The following DLG1 variants were observed in gnomAD, a reference collection of about 807,000 sequenced individuals.
The protein encoded by DLG1 is disks large homolog 1.
A neutral mutation model predicts 123.4 loss-of-function variants in DLG1; 42 were observed. That is an observed-to-expected ratio of 0.34 (90% confidence interval 0.27 to 0.44). The LOEUF is 0.44. DLG1 is among the 20% of genes least tolerant of loss of function. The pLI is 1.00. For synonymous variants in DLG1, 317 were observed against 356.2 expected (o/e 0.89, Z 1.24); for missense variants, 942 against 1,082.6 (o/e 0.87, Z 1.82).
At chr3:197,096,894 T>G (rs1364080506) in intron 14 of DLG1, among the ~76,000 whole-genome samples, 1 of 152,242 alleles carries the variant, frequency 6.6e-6, no homozygotes, top group African/African-American at 2.4e-5. Flanking sequence ...GACTGTGATC[T>G]TTTCCTACTG....
At chr3:197,274,871 A>C (rs769484571) in intron 4 of DLG1, among the ~76,000 whole-genome samples, 3 of 152,182 alleles carry the variant, frequency 2.0e-5, no homozygotes, top group African/African-American at 7.2e-5. Flanking sequence ...ATTACTAATA[A>C]TACTCAGGGA....
intron 14 of DLG1, among the ~76,000 whole-genome samples, chr3:197,097,580 C>CTTTTTTTT (rs3051908): frequency 3.3e-5 from 4 of 122,852 alleles, no homozygotes; most frequent in Non-Finnish European, 5.0e-5. Context: ...TTTGTACTTT[C>CTTTTTTTT]TTTTTTTTTT....
chr3:197,051,748 A>G (rs1727893848), intron 23 of DLG1, 80 bp from the exon 24 acceptor site: 1 of 1,067,150 alleles, frequency 9.4e-7, no homozygotes, highest in Non-Finnish European at 1.4e-6. Context: ...GAGATGACAC[A>G]TAAAATAGAA....
chr3:197,251,418 A>G (rs1290278093), intron 4 of DLG1, among the ~76,000 whole-genome samples: 2 of 152,186 alleles, frequency 1.3e-5, no homozygotes, highest in Non-Finnish European at 2.9e-5. Context: ...CAGTAACCAA[A>G]TAAGCACGGT....
At chr3:197,125,508 C>T (rs1778584580) in intron 11 of DLG1, among the ~76,000 whole-genome samples, 1 of 151,680 alleles carries the variant, frequency 6.6e-6, no homozygotes. Flanking sequence ...AGACAAGGGG[C>T]AACAAAATAA....
intron 15 of DLG1, among the ~76,000 whole-genome samples, chr3:197,087,972 G>A (rs779263404): frequency 2.4e-4 from 36 of 152,310 alleles, no homozygotes; most frequent in Middle Eastern, 3.4e-3. Context: ...AGAAGGGGAA[G>A]GTGGTTGGAC....
chr3:197,260,304 A>G (rs1180967042), intron 4 of DLG1: 1 of 437,764 alleles, frequency 2.3e-6, no homozygotes, highest in Admixed American at 2.6e-5. Context: ...TACCATTACA[A>G]TATTTTATAC....
chr3:197,169,353 T>C (rs1347124830), intron 5 of DLG1, among the ~76,000 whole-genome samples: 2 of 152,228 alleles, frequency 1.3e-5, no homozygotes, highest in East Asian at 3.9e-4. Context: ...TTTACTGTAA[T>C]AATCCAGCTG....
rs1750856494 is a variant in DLG1, at chr3:197,081,083, C to T, written c.1873G>A (p.Val625Met). ...EKKERARLKT[V>M]KFNSKTRDKG... ...TCTCTCGTTTTAGAATTGAATTTCA[C>T]TGTTTTTAATCGGGCTCGTTCTTTC... Residue 625 changes from valine to methionine, a missense_variant, in exon 17 of 25, where the codon GTG (valine) becomes ATG (methionine). Transcript: ENST00000667157. The T allele has an allele frequency of 6.2e-7, 1 of 1,613,244 alleles. No individual in the cohort carries two copies. The highest frequency in any genetic ancestry group is 8.5e-7 in the Non-Finnish European group (1 of 1,179,608).
chr3:197,182,454 T>C (rs2150144764), intron 5 of DLG1, among the ~76,000 whole-genome samples: 1 of 152,252 alleles, frequency 6.6e-6, no homozygotes, highest in African/African-American at 2.4e-5. Context: ...AAAGCTGATG[T>C]TATTTTAAAT....
intron 23 of DLG1, among the ~76,000 whole-genome samples, chr3:197,052,172 A>C (rs1292375341): frequency 6.6e-6 from 1 of 151,350 alleles, no homozygotes; most frequent in Non-Finnish European, 1.5e-5. Context: ...TAAAAATAAT[A>C]GGCTGGACAT....
At chr3:197,065,471 A>T (rs775620177) in intron 21 of DLG1, 23 bp from the exon 22 acceptor site, 2 of 1,556,250 alleles carry the variant, frequency 1.3e-6, no homozygotes, top group South Asian at 2.4e-5. Context: ...AAAACTTGGG[A>T]AAGTGTTTAA....
At chr3:197,140,047 G>GT in intron 8 of DLG1, 93 bp downstream of exon 8, 1 of 1,371,576 alleles carries the variant, frequency 7.3e-7, no homozygotes, top group Non-Finnish European at 1.0e-6. Flanking sequence ...TATCATGATC[G>GT]TGTTTGTTAT....
Position 197,282,862 on chromosome 3 carries a change from A to G in DLG1, c.152-17T>C. 7.1e-7 allele frequency: 1 copy of G among 1,414,158 alleles called. No homozygotes were observed. The highest frequency in any genetic ancestry group is 9.7e-7 in the Non-Finnish European group (1 of 1,031,030). 87.6% of individuals were successfully genotyped at this position (1,414,158 alleles called of 1,614,324 possible). ...CTTGAATATCTAGAAGAAGGAAAAT[A>G]AAAATTCATAAGTATTTATATTTTC... On this transcript the variant is annotated splice_polypyrimidine_tract_variant and intron_variant, in intron 3 of 24. Coordinates refer to ENST00000667157, the MANE Select transcript of DLG1 (RefSeq NM_001366207.1).
At chr3:197,112,416 T>C (rs1426711933) in intron 13 of DLG1, among the ~76,000 whole-genome samples, 1 of 152,238 alleles carries the variant, frequency 6.6e-6, no homozygotes, top group East Asian at 1.9e-4. Flanking sequence ...TACTGGCCAT[T>C]CACATATCTT....
intron 18 of DLG1, among the ~76,000 whole-genome samples, chr3:197,074,638 T>A (rs1387958569): frequency 1.3e-5 from 2 of 152,084 alleles, no homozygotes; most frequent in East Asian, 3.8e-4. Flanking sequence ...TTGATAATTT[T>A]CCCCAAATGT....
At chr3:197,142,056 G>A (rs11185466) in intron 7 of DLG1, among the ~76,000 whole-genome samples, 35,705 of 152,018 alleles carry the variant, frequency 0.23, 5,386 homozygotes, top group East Asian at 0.71. Flanking sequence ...GCACCTTCAA[G>A]TCATTTTCTG....
intron 14 of DLG1, among the ~76,000 whole-genome samples, chr3:197,092,860 T>C (rs1193419165): frequency 6.6e-6 from 1 of 152,198 alleles, no homozygotes; most frequent in Non-Finnish European, 1.5e-5. Context: ...TGTTGCCAAG[T>C]GGATACACAT....
intron 5 of DLG1, among the ~76,000 whole-genome samples, chr3:197,168,726 G>C (rs1362133444): frequency 1.3e-5 from 2 of 152,070 alleles, no homozygotes; most frequent in Non-Finnish European, 2.9e-5. Flanking sequence ...TGCTCCATTT[G>C]TATCACTCAA....
Sources: gnomAD v4.1 joint callset for allele counts (sites outside exome capture counted in the v4.1 genomes callset) on GRCh38, gnomAD v4.1.1 for gene constraint, MANE v1.5 for transcripts, NCBI Gene and HGNC (gene_info 2026-07-23, HGNC 2026-07-21) for gene names.